The following ZNF438 variants were observed in gnomAD, a reference collection of about 807,000 sequenced individuals.
The protein encoded by ZNF438 is zinc finger protein 438.
In ZNF438, 25 loss-of-function variants were observed where a neutral mutation model predicts 38.0. The observed-to-expected ratio is 0.66, with a 90% CI of 0.48 to 0.92. The LOEUF is 0.92. Ranked by LOEUF, ZNF438 falls within the 40% of genes least tolerant of loss-of-function variation. ZNF438 has a pLI of 0.00. For missense variants in ZNF438, 1,007 were observed against 999.6 expected (o/e 1.01, Z -0.10); for synonymous variants, 372 against 364.1 (o/e 1.02, Z -0.25).
chr10:30,890,083 CAAAAAAAAAAAAA>C (rs71863439), intron 3 of ZNF438, among the ~76,000 whole-genome samples: 3 of 93,382 alleles, frequency 3.2e-5, no homozygotes, highest in Non-Finnish European at 6.8e-5. Context: ...TTGGCATTTC[CAAAAAAAAAAAAA>C]AAAAAAAGAA....
chr10:30,875,670 C>A (rs561705544), intron 4 of ZNF438, among the ~76,000 whole-genome samples: 2 of 152,224 alleles, frequency 1.3e-5, no homozygotes, highest in African/African-American at 2.4e-5. Context: ...TCCTTTCTTG[C>A]CCTAGTGTTC....
At chr10:30,848,301 C>A (rs946530457) in intron 5 of ZNF438, among the ~76,000 whole-genome samples, 2 of 152,114 alleles carry the variant, frequency 1.3e-5, no homozygotes, top group South Asian at 4.1e-4. Context: ...ACCACTGGAA[C>A]TATATACAGT....
chr10:30,898,411 G>GA (rs2041612926), intron 3 of ZNF438, among the ~76,000 whole-genome samples: 1 of 151,888 alleles, frequency 6.6e-6, no homozygotes, highest in Non-Finnish European at 1.5e-5. Context: ...GCCCTTAAAG[G>GA]AAAAAAAGTT....
intron 4 of ZNF438, among the ~76,000 whole-genome samples, chr10:30,872,425 C>CAAAAAAAAAAA (rs566401687): frequency 1.9e-4 from 11 of 58,698 alleles, no homozygotes; most frequent in East Asian, 1.2e-3. Flanking sequence ...GACTCTGTCT[C>CAAAAAAAAAAA]AAAAAAAAAA....
At chr10:30,925,427 C>T (rs567875436) in intron 2 of ZNF438, among the ~76,000 whole-genome samples, 1 of 151,926 alleles carries the variant, frequency 6.6e-6, no homozygotes, top group South Asian at 2.1e-4. Flanking sequence ...AAATGTTTAT[C>T]CAGAAAGTAT....
intron 3 of ZNF438, among the ~76,000 whole-genome samples, chr10:30,897,600 C>T (rs2041504713): frequency 6.6e-6 from 1 of 152,226 alleles, no homozygotes; most frequent in African/African-American, 2.4e-5. Flanking sequence ...GGCCTGAAAA[C>T]AGCAGGTTAA....
At chr10:30,969,761 C>T (rs115105860) in intron 1 of ZNF438, among the ~76,000 whole-genome samples, 1,543 of 152,162 alleles carry the variant, frequency 0.01, 21 homozygotes, top group African/African-American at 0.035. Flanking sequence ...CCTCATACTC[C>T]CATTGAATGT....
At chr10:30,952,049 A>T (rs929656627) in intron 1 of ZNF438, among the ~76,000 whole-genome samples, 2 of 150,092 alleles carry the variant, frequency 1.3e-5, no homozygotes, top group Non-Finnish European at 3.0e-5. Flanking sequence ...GTACCAAAAC[A>T]GAGATATAGA....
At chr10:30,898,636 C>T (rs986048107) in intron 3 of ZNF438, among the ~76,000 whole-genome samples, 11 of 151,908 alleles carry the variant, frequency 7.2e-5, no homozygotes, top group Non-Finnish European at 1.3e-4. Flanking sequence ...AGGGGGGGAA[C>T]GCTTAGTTAG....
At chr10:30,989,237 TTCTC>T (rs909698631) in intron 1 of ZNF438, among the ~76,000 whole-genome samples, 5 of 152,228 alleles carry the variant, frequency 3.3e-5, no homozygotes, top group African/African-American at 9.6e-5. Context: ...CTTTCTCTTG[TTCTC>T]TCTCTGTTTC....
chr10:30,956,662 T>A lies in ZNF438; in HGVS notation c.-191-15011A>T, dbSNP rs1176981606. Among the ~76,000 whole-genome samples the A allele has an allele frequency of 3.3e-5, 5 of 152,316 alleles. No individual in the cohort carries two copies. The South Asian group carries it at 1.0e-3, about 32-fold the overall frequency. On this transcript the variant is annotated intron_variant, in intron 1 of 5. Coordinates refer to ENST00000413025, the Ensembl canonical transcript of ZNF438. ...ATATAAATGAGATGCCTGGCTTATT[T>A]CACTTAATATAATGACCTCTGGGTT...
At chr10:30,874,110 GTGTGTA>G (rs2037971302) in intron 4 of ZNF438, among the ~76,000 whole-genome samples, 6 of 31,648 alleles carry the variant, frequency 1.9e-4, no homozygotes, top group African/African-American at 8.7e-4. Flanking sequence ...GGGGGTGTGT[GTGTGTA>G]TATATATATA....
chr10:30,853,436 C>A (rs1176888176), intron 4 of ZNF438, among the ~76,000 whole-genome samples: 1 of 152,180 alleles, frequency 6.6e-6, no homozygotes, highest in Non-Finnish European at 1.5e-5. Context: ...CCTCTACTTG[C>A]TCCACTCCAG....
chr10:30,852,750 T>C (rs1016237789), intron 4 of ZNF438, among the ~76,000 whole-genome samples: 1 of 152,240 alleles, frequency 6.6e-6, no homozygotes, highest in Non-Finnish European at 1.5e-5. Flanking sequence ...TGAGTGCTAT[T>C]GTCTGGAAAA....
intron 3 of ZNF438, among the ~76,000 whole-genome samples, chr10:30,904,746 CAG>C (rs2042400939): frequency 6.6e-6 from 1 of 152,222 alleles, no homozygotes; most frequent in Admixed American, 6.5e-5. Flanking sequence ...ACTCTCTCAA[CAG>C]AGTCTTTACA....
intron 4 of ZNF438, among the ~76,000 whole-genome samples, chr10:30,858,911 C>A (rs1246966909): frequency 6.6e-6 from 1 of 152,208 alleles, no homozygotes; most frequent in East Asian, 1.9e-4. Context: ...CATCACCTCA[C>A]TTCGCAGGGA....
At chr10:30,922,441 G>A (rs2044407767) in intron 2 of ZNF438, among the ~76,000 whole-genome samples, 1 of 152,190 alleles carries the variant, frequency 6.6e-6, no homozygotes, top group Non-Finnish European at 1.5e-5. Context: ...TACCAGCTTT[G>A]TCAATTAGAT....
At chr10:30,976,883 G>T (rs1455026829) in intron 1 of ZNF438, among the ~76,000 whole-genome samples, 2 of 151,952 alleles carry the variant, frequency 1.3e-5, no homozygotes, top group African/African-American at 4.8e-5. Context: ...ATTGACGGAA[G>T]AAATCAGTGA....
chr10:30,845,202 C>T (rs1203852171), exon 6 of ZNF438: 2 of 1,614,054 alleles, frequency 1.2e-6, no homozygotes, highest in African/African-American at 2.7e-5. Flanking sequence ...CTTGTTGGTT[C>T]CTGACTGGGG....
Sources: gnomAD v4.1 joint callset for allele counts (sites outside exome capture counted in the v4.1 genomes callset) on GRCh38, gnomAD v4.1.1 for gene constraint, MANE v1.5 for transcripts, NCBI Gene and HGNC (gene_info 2026-07-23, HGNC 2026-07-21) for gene names.